WASF3: variants seen among roughly 807,000 people sequenced by gnomAD.
WASF3 encodes the protein WASP family member 3, also known as actin-binding protein WASF3.
Under a neutral mutation model 46.6 loss-of-function variants are expected in WASF3, and 11 were observed. The observed-to-expected ratio is 0.24, with a 90% CI of 0.15 to 0.39. The LOEUF is 0.39. Among genes scored for constraint, WASF3 ranks in the 10% least tolerant of loss-of-function variants. The probability of loss-of-function intolerance (pLI) is 1.00; values close to 1 mark genes in which losing one functional copy is unlikely to be tolerated. For synonymous variants in WASF3, 242 were observed against 259.7 expected (o/e 0.93, Z 0.65); for missense variants, 576 against 669.8 (o/e 0.86, Z 1.55).
At chr13:26,587,464 G>A (rs1593132629) in intron 1 of WASF3, among the ~76,000 whole-genome samples, 1 of 152,140 alleles carries the variant, frequency 6.6e-6, no homozygotes, top group South Asian at 2.1e-4. Flanking sequence ...TTGAAAGGAA[G>A]CATATTGTCT....
At chr13:26,563,781 G>A (rs1879375507) in intron 1 of WASF3, among the ~76,000 whole-genome samples, 1 of 149,472 alleles carries the variant, frequency 6.7e-6, no homozygotes, top group South Asian at 2.1e-4. Context: ...TGGGAGATTA[G>A]CTCTTCTGAC....
At chr13:26,676,829 C>T in intron 7 of WASF3, 105 bp downstream of exon 7, 1 of 1,069,614 alleles carries the variant, frequency 9.3e-7, no homozygotes, top group Non-Finnish European at 1.3e-6. Context: ...GTTTATATGG[C>T]CCTTGATGTC....
At chr13:26,562,914 TTTC>T (rs1196785711) in intron 1 of WASF3, among the ~76,000 whole-genome samples, 1 of 141,238 alleles carries the variant, frequency 7.1e-6, no homozygotes, top group Admixed American at 7.2e-5. Flanking sequence ...TCTTTTCTCT[TTTC>T]TTTTCTTTTC....
intron 9 of WASF3, 78 bp from the exon 10 acceptor site, chr13:26,685,610 A>AT: frequency 1.9e-6 from 3 of 1,557,766 alleles, no homozygotes; most frequent in Non-Finnish European, 2.6e-6. Flanking sequence ...AAAAAGTCCA[A>AT]TAGACATATT....
At chr13:26,588,964 T>A (rs1880211934) in intron 1 of WASF3, among the ~76,000 whole-genome samples, 1 of 148,366 alleles carries the variant, frequency 6.7e-6, no homozygotes, top group Non-Finnish European at 1.5e-5. Context: ...CACCCAGCTA[T>A]TTTTTTTTTG....
chr13:26,660,193 GGTTTTTTTTTTTTTTTTT>G (rs1882584476), intron 3 of WASF3, among the ~76,000 whole-genome samples: 2 of 34,728 alleles, frequency 5.8e-5, no homozygotes, highest in African/African-American at 9.6e-5. Context: ...TTTTTTGTTT[GGTTTTTTTTTTTTTTTTT>G]TTTTTTTTTT....
chr13:26,685,131 C>G (rs536805901), intron 9 of WASF3, among the ~76,000 whole-genome samples: 23 of 151,532 alleles, frequency 1.5e-4, no homozygotes, highest in African/African-American at 5.1e-4. Context: ...CATCAAATAT[C>G]TTACTTTGTT....
intron 2 of WASF3, among the ~76,000 whole-genome samples, chr13:26,635,098 A>G (rs907544579): frequency 2.6e-5 from 4 of 152,126 alleles, no homozygotes; most frequent in African/African-American, 7.2e-5. Flanking sequence ...ACTTGATTCC[A>G]TTCTCCCTGT....
In WASF3 at chr13:26,583,626, T is replaced by G. The variant is rs184429772; in HGVS notation, c.-109+25807T>G. Among the ~76,000 whole-genome samples the G allele has an allele frequency of 2.1e-3, 325 of 152,354 alleles. 2 individuals are homozygous for G. Among genetic ancestry groups the G allele is most frequent in the Non-Finnish European group, 3.9e-3 (266 of 68,030 alleles). ...TTGATTATATTACTTGTTATTTCTT[T>G]GAACCATTTTTCAGAAGAATGACCC... On this transcript the variant is annotated intron_variant, in intron 1 of 9. Coordinates refer to ENST00000335327, the MANE Select transcript of WASF3 (RefSeq NM_006646.6).
chr13:26,617,843 A>G (rs796972365), intron 2 of WASF3, among the ~76,000 whole-genome samples: 1 of 152,100 alleles, frequency 6.6e-6, no homozygotes, highest in African/African-American at 2.4e-5. Flanking sequence ...AGTCTCCCCC[A>G]TGATGTTCTT....
chr13:26,557,323 A>G (rs1361424879), upstream of WASF3, among the ~76,000 whole-genome samples: 2 of 152,146 alleles, frequency 1.3e-5, no homozygotes, highest in African/African-American at 4.8e-5. Context: ...AGCCCTCAAC[A>G]CCCAGGGAGG....
chr13:26,543,204 G>T, the WASF3 span, among the ~76,000 whole-genome samples: 1 of 152,206 alleles, frequency 6.6e-6, no homozygotes, highest in African/African-American at 2.4e-5. Flanking sequence ...TGGAGTCTTT[G>T]TTTATCTGGA....
At chr13:26,626,226 A>G (rs1052638874) in intron 2 of WASF3, 1 of 152,294 alleles carries the variant, frequency 6.6e-6, no homozygotes, top group African/African-American at 2.4e-5. Flanking sequence ...GAAAAGTACT[A>G]AGAGGAGGAC....
intron 1 of WASF3, among the ~76,000 whole-genome samples, chr13:26,571,849 G>A (rs1165119352): frequency 2.0e-5 from 3 of 152,238 alleles, no homozygotes; most frequent in African/African-American, 4.8e-5. Flanking sequence ...GCCAAGAACA[G>A]TCGAATGTTC....
intron 3 of WASF3, among the ~76,000 whole-genome samples, chr13:26,663,413 C>CT (rs1882687831): frequency 6.6e-6 from 1 of 152,112 alleles, no homozygotes; most frequent in Non-Finnish European, 1.5e-5. Flanking sequence ...TGTGTGAAGG[C>CT]TTTATTTTTT....
chr13:26,677,864 A>G (rs573040948), intron 7 of WASF3, among the ~76,000 whole-genome samples: 5 of 152,198 alleles, frequency 3.3e-5, no homozygotes, highest in African/African-American at 9.6e-5. Context: ...TTTTTTTTCT[A>G]AATAATTTAG....
At chr13:26,651,582 C>G (rs550147842) in intron 3 of WASF3, among the ~76,000 whole-genome samples, 5 of 152,142 alleles carry the variant, frequency 3.3e-5, no homozygotes, top group Non-Finnish European at 7.3e-5. Flanking sequence ...AGACAAAAGT[C>G]TCAGAGAATT....
Position 26,679,341 on chromosome 13 carries a change from G to A in WASF3, c.717-1713G>A, listed in dbSNP as rs754898319. Among the ~76,000 whole-genome samples the A allele has an allele frequency of 7.2e-5, 11 of 151,938 alleles. No individual in the cohort carries two copies. The East Asian group carries it at 7.7e-4, about 11-fold the overall frequency. On this transcript the variant is annotated intron_variant, in intron 7 of 9. Transcript: ENST00000335327. The surrounding 1 kb of genome is among the most constrained non-coding windows in gnomAD (Gnocchi z 4.8). ...CCAGTCCCCTCTTCCCCCAGCCCCCGTCCTCCTGATGGGCACCCTTCATCA... is the reference window on the plus strand; with the variant it reads ...CCAGTCCCCTCTTCCCCCAGCCCCCATCCTCCTGATGGGCACCCTTCATCA...
intron 7 of WASF3, chr13:26,680,198 G>T: frequency 1.3e-6 from 2 of 1,563,972 alleles, no homozygotes; most frequent in Non-Finnish European, 1.7e-6. Flanking sequence ...AGAGTGCCCA[G>T]CGGGTTTGTT....
Sources: gnomAD v4.1 joint callset for allele counts (sites outside exome capture counted in the v4.1 genomes callset) on GRCh38, gnomAD v4.1.1 for gene constraint, Gnocchi (gnomAD v3.1) non-coding constraint, MANE v1.5 for transcripts, NCBI Gene and HGNC (gene_info 2026-07-23, HGNC 2026-07-21) for gene names.